Variants in SCN8A observed in about 807,000 individuals in gnomAD.
SCN8A encodes the protein sodium channel protein type 8 subunit alpha.
A neutral mutation model predicts 184.1 loss-of-function variants in SCN8A; 30 were observed. The observed-to-expected ratio is 0.16, with a 90% CI of 0.12 to 0.22. The LOEUF is 0.22. Among genes scored for constraint, SCN8A ranks in the 10% least tolerant of loss-of-function variants. SCN8A has a pLI of 1.00. For synonymous variants in SCN8A, 852 were observed against 907.0 expected (o/e 0.94, Z 1.09); for missense variants, 1,057 against 2,498.9 (o/e 0.42, Z 12.30).
chr12:51,806,222 A>AT lies in SCN8A; in HGVS notation c.4796-60_4796-59insT. On this transcript the variant is annotated intron_variant, in intron 26 of 26. Coordinates refer to ENST00000627620, the MANE Select transcript of SCN8A (RefSeq NM_001330260.2). This position sits in a 1 kb window ranked among gnomAD's most constrained non-coding sequence, Gnocchi z 8.7. ...GGGTTCCACAATGCCAGGTAAAAAA[A>AT]ATAAAGAGAAAGGGTGTCTCCCATC... 6.9e-7 allele frequency: 1 copy of AT among 1,455,052 alleles called. No individual in the cohort carries two copies. Among genetic ancestry groups the AT allele is most frequent in the East Asian group, 2.3e-5 (1 of 43,092 alleles). 90.1% of individuals were successfully genotyped at this position (1,455,052 alleles called of 1,614,324 possible).
At chr12:51,793,973 C>G (rs970223489) in intron 25 of SCN8A, among the ~76,000 whole-genome samples, 1 of 152,070 alleles carries the variant, frequency 6.6e-6, no homozygotes, top group African/African-American at 2.4e-5. Context: ...AGCAAAACCC[C>G]GTCTATGCTA....
intron 18 of SCN8A, 105 bp from the exon 19 acceptor site, chr12:51,770,411 ACTGTCCTCCTGGC>A: frequency 1.8e-6 from 2 of 1,142,256 alleles, no homozygotes; most frequent in Non-Finnish European, 2.4e-6. Context: ...TGATTCAGCC[ACTGTCCTCCTGGC>A]TGTGTGGTGG....
chr12:51,597,444 C>T lies in SCN8A; in HGVS notation c.-55+6085C>T, dbSNP rs116820230. Reference sequence around the variant, plus strand: ...ATGCTAGAGAAATAGTGGATGCTTACTTATCCAGGGATGGATCATCAAGCT... The same window carrying T: ...ATGCTAGAGAAATAGTGGATGCTTATTTATCCAGGGATGGATCATCAAGCT... On this transcript the variant is annotated intron_variant, in intron 1 of 26. Coordinates refer to ENST00000627620, the MANE Select transcript of SCN8A (RefSeq NM_001330260.2). Among the ~76,000 whole-genome samples, 593 of 152,232 alleles carry T rather than the reference C, an allele frequency of 3.9e-3. 1 individual carries two copies. Among genetic ancestry groups the T allele is most frequent in the African/African-American group, 0.014 (572 of 41,530 alleles).
At chr12:51,715,470 A>T (rs1941949502) in intron 11 of SCN8A, among the ~76,000 whole-genome samples, 1 of 151,958 alleles carries the variant, frequency 6.6e-6, no homozygotes, top group African/African-American at 2.4e-5. Context: ...GTATTTGGTT[A>T]AATAAAATTA....
chr12:51,752,307 G>A (rs1039719771), intron 14 of SCN8A, among the ~76,000 whole-genome samples: 1 of 152,042 alleles, frequency 6.6e-6, no homozygotes, highest in African/African-American at 2.4e-5. Context: ...AATTCCTTAG[G>A]TGTTAACCAC....
chr12:51,611,532 T>C (rs1939720680), intron 1 of SCN8A, among the ~76,000 whole-genome samples: 1 of 152,166 alleles, frequency 6.6e-6, no homozygotes. Flanking sequence ...AGTTTCACTC[T>C]TGTTGCCCAG....
chr12:51,647,901 A>C (rs1373836269), intron 1 of SCN8A, among the ~76,000 whole-genome samples: 1 of 152,206 alleles, frequency 6.6e-6, no homozygotes, highest in Non-Finnish European at 1.5e-5. Context: ...CAAATGAGCT[A>C]TATATCAACA....
chr12:51,757,812 A>G (rs551156944), intron 14 of SCN8A, among the ~76,000 whole-genome samples: 3 of 152,068 alleles, frequency 2.0e-5, no homozygotes, highest in Non-Finnish European at 4.4e-5. Context: ...ACAAAACCCA[A>G]ACTAGAAAGA....
At chr12:51,633,214 T>G (rs1192555997) in intron 1 of SCN8A, among the ~76,000 whole-genome samples, 1 of 152,204 alleles carries the variant, frequency 6.6e-6, no homozygotes, top group African/African-American at 2.4e-5. Context: ...CTGCTATGTA[T>G]CTACCAGCAC....
chr12:51,749,532 G>A (rs1240506014), intron 13 of SCN8A, among the ~76,000 whole-genome samples: 1 of 152,048 alleles, frequency 6.6e-6, no homozygotes, highest in Admixed American at 6.5e-5. Context: ...TTTCTTTTTT[G>A]GGGGAGAAAA....
intron 6 of SCN8A, among the ~76,000 whole-genome samples, chr12:51,695,323 GA>G (rs1485594022): frequency 6.6e-6 from 1 of 152,184 alleles, no homozygotes; most frequent in African/African-American, 2.4e-5. Flanking sequence ...CTTCAAAGCT[GA>G]GGCTTGAAAA....
At chr12:51,610,240 CT>C (rs1307467042) in intron 1 of SCN8A, among the ~76,000 whole-genome samples, 1 of 150,762 alleles carries the variant, frequency 6.6e-6, no homozygotes, top group African/African-American at 2.4e-5. Context: ...TATGAAATGC[CT>C]TTTTCCACCT....
At chr12:51,704,171 C>T (rs1352773898) in intron 9 of SCN8A, among the ~76,000 whole-genome samples, 2 of 151,368 alleles carry the variant, frequency 1.3e-5, no homozygotes, top group African/African-American at 4.8e-5. Context: ...GCTGGGATTA[C>T]AGGCATGAGC....
chr12:51,795,618 T>G (rs187923667), intron 26 of SCN8A, among the ~76,000 whole-genome samples: 1 of 152,230 alleles, frequency 6.6e-6, no homozygotes, highest in Non-Finnish European at 1.5e-5. Context: ...TGTGTTGATA[T>G]GTGGAACACT....
intron 9 of SCN8A, 44 bp downstream of exon 9, chr12:51,702,958 C>G (rs1182435471): frequency 6.5e-7 from 1 of 1,531,156 alleles, no homozygotes; most frequent in East Asian, 2.3e-5. Context: ...TTTGCATGAG[C>G]TTATATGGGG....
At chr12:51,776,307 G>A (rs1937692199) in intron 20 of SCN8A, among the ~76,000 whole-genome samples, 1 of 152,204 alleles carries the variant, frequency 6.6e-6, no homozygotes, top group Non-Finnish European at 1.5e-5. Flanking sequence ...TATACGCAAG[G>A]TGGAAGGGGG....
intron 1 of SCN8A, among the ~76,000 whole-genome samples, chr12:51,655,147 G>A (rs1454472978): frequency 6.6e-6 from 1 of 151,956 alleles, no homozygotes; most frequent in Non-Finnish European, 1.5e-5. Flanking sequence ...GATCTGCCTG[G>A]CTCAGCCCCC....
intron 1 of SCN8A, among the ~76,000 whole-genome samples, chr12:51,591,571 C>T (rs1291352201): frequency 6.6e-6 from 1 of 152,192 alleles, no homozygotes; most frequent in Non-Finnish European, 1.5e-5. Flanking sequence ...ACTGTGTGTA[C>T]CGGGGGTCTC....
At chr12:51,766,492 C>T (rs985086447) in intron 16 of SCN8A, among the ~76,000 whole-genome samples, 9 of 152,140 alleles carry the variant, frequency 5.9e-5, no homozygotes, top group Non-Finnish European at 1.3e-4. Flanking sequence ...CCACTAGATG[C>T]CAGTAGCATC....
Sources: allele counts gnomAD v4.1 joint callset (sites outside exome capture counted in the v4.1 genomes callset), GRCh38; gene constraint gnomAD v4.1.1; non-coding constraint Gnocchi (gnomAD v3.1); transcripts MANE v1.5; gene names NCBI Gene and HGNC (gene_info 2026-07-23, HGNC 2026-07-21).